The following SNHG17 variants were observed in gnomAD, a reference collection of about 807,000 sequenced individuals.
The protein encoded by SNHG17 is small nucleolar RNA host gene 17.
intron 2 of SNHG17, chr20:38,432,151 G>A: frequency 1.0e-6 from 1 of 985,478 alleles, no homozygotes; most frequent in Non-Finnish European, 1.2e-6. Flanking sequence ...GACAAGGAGA[G>A]TACTGGCACA....
At chr20:38,422,804 C>G (rs1046361253) in intron 5 of SNHG17, among the ~76,000 whole-genome samples, 1 of 152,056 alleles carries the variant, frequency 6.6e-6, no homozygotes, top group Non-Finnish European at 1.5e-5. Context: ...AAAAAGAAGA[C>G]CCTTGGCCAG....
At chr20:38,425,665 C>T (rs190628220) in intron 5 of SNHG17, among the ~76,000 whole-genome samples, 1 of 152,294 alleles carries the variant, frequency 6.6e-6, no homozygotes, top group Admixed American at 6.5e-5. Context: ...TTGAGAACCA[C>T]TACTCAAATG....
chr20:38,433,250 A>G (rs375884590), intron 2 of SNHG17, among the ~76,000 whole-genome samples: 1 of 152,200 alleles, frequency 6.6e-6, no homozygotes, highest in African/African-American at 2.4e-5. Flanking sequence ...TGCTGGGATT[A>G]CAGGTGTGAG....
chr20:38,431,934 G>A (rs574936758), intron 2 of SNHG17: 3 of 899,136 alleles, frequency 3.3e-6, no homozygotes, highest in Non-Finnish European at 2.7e-6. Flanking sequence ...ATCACGCCCA[G>A]GGAACCTGCA....
chr20:38,422,485 C>A (rs769488885), intron 5 of SNHG17, among the ~76,000 whole-genome samples: 1 of 152,180 alleles, frequency 6.6e-6, no homozygotes, highest in Non-Finnish European at 1.5e-5. Context: ...ACAAGAAAAA[C>A]GTAACTCTAG....
chr20:38,425,500 T>C (rs2084231277), intron 5 of SNHG17: 1 of 364,778 alleles, frequency 2.7e-6, no homozygotes, highest in South Asian at 2.0e-5. Context: ...TCCCAAACTT[T>C]AGCATGAATA....
At chr20:38,429,501 T>C (rs1324814736) in intron 3 of SNHG17, among the ~76,000 whole-genome samples, 1 of 152,138 alleles carries the variant, frequency 6.6e-6, no homozygotes, top group African/African-American at 2.4e-5. Context: ...AGGGCAGCCC[T>C]ATCTCAGCTC....
chr20:38,432,059 C>T (rs1194727683), intron 2 of SNHG17: 3 of 985,312 alleles, frequency 3.0e-6, no homozygotes, highest in South Asian at 4.7e-5. Flanking sequence ...GGCCTCTCTG[C>T]ACCAATCAGC....
exon 1 of SNHG17, chr20:38,435,210 G>A (rs1201841817): frequency 8.1e-7 from 1 of 1,231,924 alleles, no homozygotes; most frequent in Non-Finnish European, 1.0e-6. Context: ...GCGCCCTGGC[G>A]TCGAGTGGCG....
At chr20:38,421,032 G>A (rs1438144317) in exon 7 of SNHG17, 1 of 152,230 alleles carries the variant, frequency 6.6e-6, no homozygotes, top group Non-Finnish European at 1.5e-5. Flanking sequence ...AGCAAACCCA[G>A]ATCCCAGATC....
intron 2 of SNHG17, among the ~76,000 whole-genome samples, chr20:38,432,477 T>C (rs1283600823): frequency 6.6e-6 from 1 of 152,184 alleles, no homozygotes; most frequent in African/African-American, 2.4e-5. Flanking sequence ...CTATCAGCCA[T>C]GCCTAGCTAT....
intron 3 of SNHG17, chr20:38,429,620 G>C: frequency 4.3e-6 from 2 of 464,684 alleles, no homozygotes; most frequent in South Asian, 3.2e-5. Context: ...CAACCCACTA[G>C]ATGATGCCAG....
intron 1 of SNHG17, chr20:38,434,985 C>A (rs2084407566): frequency 8.1e-7 from 1 of 1,229,562 alleles, no homozygotes; most frequent in Non-Finnish European, 1.0e-6. Flanking sequence ...GACGACCGCA[C>A]GTGGCCCGCT....
intron 2 of SNHG17, chr20:38,433,997 G>A: frequency 1.9e-6 from 1 of 518,510 alleles, no homozygotes; most frequent in Non-Finnish European, 3.8e-6. Context: ...TCGAATACAG[G>A]TGCAAAAAAG....
chr20:38,424,681 A>T (rs2084215484), intron 5 of SNHG17, among the ~76,000 whole-genome samples: 1 of 152,200 alleles, frequency 6.6e-6, no homozygotes, highest in African/African-American at 2.4e-5. Context: ...ATTCCCAGAC[A>T]GTGTGACCAG....
intron 5 of SNHG17, among the ~76,000 whole-genome samples, chr20:38,422,498 A>G (rs2084173341): frequency 6.6e-6 from 1 of 152,208 alleles, no homozygotes; most frequent in East Asian, 1.9e-4. Flanking sequence ...AACTCTAGGA[A>G]GAGGTCGGCA....
chr20:38,422,751 G>GCA (rs371804031), intron 5 of SNHG17, among the ~76,000 whole-genome samples: 11 of 151,734 alleles, frequency 7.2e-5, no homozygotes, highest in Middle Eastern at 3.4e-3. Flanking sequence ...TGTGGCATAC[G>GCA]CACACACACA....
chr20:38,426,241 A>G lies in SNHG17; in HGVS notation n.465+178T>C, dbSNP rs560843518. ...GGGGAGCTCTGTAAGCCCCACCGTGATTCACACAGTGGAGTCGCAGAGTTC... is the reference window on the plus strand; with the variant it reads ...GGGGAGCTCTGTAAGCCCCACCGTGGTTCACACAGTGGAGTCGCAGAGTTC... On this transcript the variant is annotated intron_variant and non_coding_transcript_variant, in intron 4 of 8. Coordinates refer to ENST00000654008, the Ensembl canonical transcript of SNHG17. Among the ~76,000 whole-genome samples, 18 of 152,200 alleles carry G rather than the reference A, an allele frequency of 1.2e-4. 1 individual carries two copies. In the South Asian group the frequency reaches 3.7e-3, roughly 32 times the overall value.
At chr20:38,424,471 G>C (rs566555204) in intron 5 of SNHG17, among the ~76,000 whole-genome samples, 1 of 152,346 alleles carries the variant, frequency 6.6e-6, no homozygotes, top group South Asian at 2.1e-4. Context: ...AAGGTGGACT[G>C]TAACAGCTGG....
Sources: gnomAD v4.1 joint callset for allele counts (sites outside exome capture counted in the v4.1 genomes callset) on GRCh38, gnomAD v4.1.1 for gene constraint, MANE v1.5 for transcripts, NCBI Gene and HGNC (gene_info 2026-07-23, HGNC 2026-07-21) for gene names.